The following DAB1 variants were observed in gnomAD, a reference collection of about 807,000 sequenced individuals.
DAB1 encodes disabled homolog 1.
Under a neutral mutation model 64.6 loss-of-function variants are expected in DAB1, and 15 were observed. The ratio of observed to expected loss-of-function variants is 0.23; its 90% CI spans 0.16 to 0.36. DAB1 has a LOEUF of 0.36. Ranked by LOEUF, DAB1 falls within the 10% of genes least tolerant of loss-of-function variation. The probability of loss-of-function intolerance (pLI) is 1.00; values close to 1 mark genes in which losing one functional copy is unlikely to be tolerated. For missense variants in DAB1, 596 were observed against 706.7 expected, an observed-to-expected ratio of 0.84 and a Z score of 1.78; for synonymous variants, 235 against 251.9, an observed-to-expected ratio of 0.93 and a Z score of 0.64.
At chr1:57,925,875 T>C (rs1374666288) in intron 5 of DAB1, among the ~76,000 whole-genome samples, 1 of 152,220 alleles carries the variant, frequency 6.6e-6, no homozygotes, top group Non-Finnish European at 1.5e-5. Flanking sequence ...CACAGACTGA[T>C]GAGCAAAGGC....
intron 7 of DAB1, among the ~76,000 whole-genome samples, chr1:57,640,745 A>G (rs1646118287): frequency 6.6e-6 from 1 of 152,214 alleles, no homozygotes; most frequent in South Asian, 2.1e-4. Flanking sequence ...GCCATCTGGG[A>G]ACATTACCTT....
chr1:57,109,340 C>A (rs1176876612), intron 4 of DAB1, among the ~76,000 whole-genome samples: 1 of 152,148 alleles, frequency 6.6e-6, no homozygotes, highest in Non-Finnish European at 1.5e-5. Flanking sequence ...CCAAGAAACT[C>A]CCTTAGTTTA....
At position 57,193,381 on chromosome 1, in the gene DAB1, GTTTTTTT is replaced by G. The variant is rs999329119; in HGVS notation, c.68-47959_68-47953del. Among the ~76,000 whole-genome samples the G allele has an allele frequency of 6.0e-5, 5 of 83,070 alleles. No homozygotes were observed. In the Admixed American group the frequency reaches 7.4e-4, roughly 12 times the overall value. 54.5% of individuals were successfully genotyped at this position (83,070 alleles called of 152,430 possible). ...CCTTCCAGATTCATCCGTAGCATATGTTTTTTTTTTTTTTTTTTTTTTTGAGACAGAG... is the reference window on the plus strand; with the variant it reads ...CCTTCCAGATTCATCCGTAGCATATGTTTTTTTTTTTTTTTTGAGACAGAG... On this transcript the variant is annotated intron_variant, in intron 2 of 14. Transcript: ENST00000371236.
chr1:57,301,355 T>C (rs1486891889), intron 1 of DAB1, among the ~76,000 whole-genome samples: 2 of 152,158 alleles, frequency 1.3e-5, no homozygotes, highest in South Asian at 2.1e-4. Context: ...ACCTTCCTCA[T>C]TGGCCTTTTT....
chr1:58,493,130 G>A (rs1314521712), intron 3 of DAB1, among the ~76,000 whole-genome samples: 26 of 151,998 alleles, frequency 1.7e-4, no homozygotes, highest in Non-Finnish European at 2.2e-4. Flanking sequence ...ATCAATAAAC[G>A]TAATCCAGCA....
chr1:58,364,005 CCT>C (rs1395749252), intron 3 of DAB1, among the ~76,000 whole-genome samples: 2 of 152,140 alleles, frequency 1.3e-5, no homozygotes, highest in Admixed American at 1.3e-4. Context: ...AGAAATATGC[CCT>C]CTTTCTGGAG....
intron 5 of DAB1, among the ~76,000 whole-genome samples, chr1:58,104,761 T>C (rs1651536899): frequency 6.6e-6 from 1 of 152,036 alleles, no homozygotes; most frequent in African/African-American, 2.4e-5. Flanking sequence ...AAATGAAAAA[T>C]TAATAGGGCA....
intron 1 of DAB1, among the ~76,000 whole-genome samples, chr1:57,381,783 A>G (rs1358800070): frequency 6.6e-6 from 1 of 152,146 alleles, no homozygotes; most frequent in Non-Finnish European, 1.5e-5. Flanking sequence ...GCCCACATTC[A>G]TCCCTTATTA....
intron 12 of DAB1, among the ~76,000 whole-genome samples, chr1:57,014,192 T>C (rs1646351696): frequency 6.6e-6 from 1 of 152,242 alleles, no homozygotes; most frequent in South Asian, 2.1e-4. Context: ...TAAAGTGCTT[T>C]GCCAAAAGGC....
At chr1:57,376,852 T>C (rs1367109659) in intron 1 of DAB1, among the ~76,000 whole-genome samples, 1 of 152,240 alleles carries the variant, frequency 6.6e-6, no homozygotes, top group African/African-American at 2.4e-5. Flanking sequence ...TTATCTTGCT[T>C]AATGGTTCTT....
chr1:58,029,690 T>C (rs909825719), intron 5 of DAB1, among the ~76,000 whole-genome samples: 4 of 152,170 alleles, frequency 2.6e-5, no homozygotes, highest in Non-Finnish European at 1.5e-5. Context: ...AATAAAATGA[T>C]CAGATGAGGA....
intron 5 of DAB1, chr1:58,049,186 G>T: frequency 2.6e-6 from 2 of 768,198 alleles, no homozygotes; most frequent in South Asian, 1.3e-5. Context: ...GTTCCCTATT[G>T]CTCAAAATGG....
intron 7 of DAB1, among the ~76,000 whole-genome samples, chr1:57,432,289 A>G (rs1270955919): frequency 6.6e-6 from 1 of 152,138 alleles, no homozygotes; most frequent in Non-Finnish European, 1.5e-5. Context: ...CTTCTTCTAA[A>G]ACAACAGCTA....
chr1:57,744,517 C>T (rs533196405), intron 6 of DAB1, among the ~76,000 whole-genome samples: 15 of 151,300 alleles, frequency 9.9e-5, no homozygotes, highest in South Asian at 4.2e-4. Flanking sequence ...TATCGGCAAA[C>T]GAAGAACTGG....
Position 57,835,057 on chromosome 1 carries a change from T to C in DAB1, n.88-8602A>G, listed in dbSNP as rs148007352. 9.4e-3 allele frequency among the ~76,000 whole-genome samples: 1,424 copies of C among 152,272 alleles called. 21 individuals carry two copies. Among genetic ancestry groups the C allele is most frequent in the African/African-American group, 0.033 (1,382 of 41,532 alleles). On this transcript the variant is annotated intron_variant and non_coding_transcript_variant, in intron 1 of 1. Coordinates refer to the DAB1 transcript ENST00000477280. The stretch of plus-strand genomic sequence containing the variant: ...TAAAGGAGGGATATTCTTTGACTGA[T>C]GGATTGGCATGTGCAAAAAGCACCT...
chr1:57,281,726 C>A (rs1461428141), intron 2 of DAB1, among the ~76,000 whole-genome samples: 1 of 152,102 alleles, frequency 6.6e-6, no homozygotes, highest in East Asian at 1.9e-4. Flanking sequence ...CAGTGAAAAC[C>A]TGAAAACCAT....
At chr1:58,197,470 G>C (rs577803006) in intron 4 of DAB1, among the ~76,000 whole-genome samples, 25 of 150,862 alleles carry the variant, frequency 1.7e-4, no homozygotes, top group African/African-American at 6.1e-4. Flanking sequence ...TGCCATCTCA[G>C]CTCACTGCAA....
chr1:57,091,384 T>C (rs140754364), intron 4 of DAB1, among the ~76,000 whole-genome samples: 2 of 152,302 alleles, frequency 1.3e-5, no homozygotes, highest in East Asian at 3.9e-4. Flanking sequence ...AATCTATCAG[T>C]TAACAACCAC....
chr1:57,391,986 T>C (rs1682414932), intron 1 of DAB1, among the ~76,000 whole-genome samples: 1 of 152,166 alleles, frequency 6.6e-6, no homozygotes, highest in Non-Finnish European at 1.5e-5. Context: ...AATGTCTTAG[T>C]GATTTTTAAT....
Sources: allele counts gnomAD v4.1 joint callset (sites outside exome capture counted in the v4.1 genomes callset), GRCh38; gene constraint gnomAD v4.1.1; transcripts MANE v1.5; gene names NCBI Gene and HGNC (gene_info 2026-07-23, HGNC 2026-07-21).